The following CTNND2 variants were observed in gnomAD, a reference collection of about 807,000 sequenced individuals.
CTNND2 encodes the protein catenin delta-2.
CTNND2 carries 22 observed loss-of-function variants against 144.4 expected under a neutral mutation model. The observed-to-expected ratio is 0.15, with a 90% CI of 0.11 to 0.22. The LOEUF is 0.22. Ranked by LOEUF, CTNND2 falls within the 10% of genes least tolerant of loss-of-function variation. The pLI, the probability that CTNND2 is intolerant of heterozygous loss-of-function variation, is 1.00. For synonymous variants in CTNND2, 751 were observed against 695.6 expected (o/e 1.08, Z -1.25); for missense variants, 1,353 against 1,618.8 (o/e 0.84, Z 2.82).
At chr5:11,815,062 A>G (rs1792551682) in intron 1 of CTNND2, among the ~76,000 whole-genome samples, 1 of 152,212 alleles carries the variant, frequency 6.6e-6, no homozygotes. Context: ...AAGGAATTAT[A>G]TCTACAAATT....
Position 10,972,230 on chromosome 5 carries a change from G to C in CTNND2, c.*1223C>G, listed in dbSNP as rs928752794. 1 of 152,638 alleles carries C rather than the reference G, an allele frequency of 6.6e-6. No individual in the cohort carries two copies. The highest frequency in any genetic ancestry group is 1.5e-5 in the Non-Finnish European group (1 of 68,046). 9.5% of individuals were successfully genotyped at this position (152,638 alleles called of 1,614,324 possible). On this transcript the variant is annotated 3_prime_UTR_variant, in exon 22 of 22. Coordinates refer to ENST00000304623, the MANE Select transcript of CTNND2 (RefSeq NM_001332.4). ...AGAGGGTTGATATCCAAGTATGCGT[G>C]AATGTGTGAAAATCCTATAACTCCA...
intron 9 of CTNND2, among the ~76,000 whole-genome samples, chr5:11,302,914 G>A (rs557895610): frequency 7.2e-5 from 11 of 152,276 alleles, no homozygotes; most frequent in Non-Finnish European, 1.3e-4. Context: ...AAGAAACCTC[G>A]CGTCCTTCCT....
intron 8 of CTNND2, among the ~76,000 whole-genome samples, chr5:11,357,805 C>CATGT (rs1397141809): frequency 1.3e-5 from 2 of 152,052 alleles, no homozygotes; most frequent in African/African-American, 4.8e-5. Flanking sequence ...ATCCCATGAA[C>CATGT]ATGTACATGT....
chr5:10,980,754 A>G (rs1737129232), intron 21 of CTNND2, among the ~76,000 whole-genome samples: 1 of 152,186 alleles, frequency 6.6e-6, no homozygotes. Context: ...TTGCAGGGAC[A>G]TGGATGAAGC....
chr5:11,710,950 TCCA>T (rs1452684286), intron 2 of CTNND2, among the ~76,000 whole-genome samples: 2 of 152,230 alleles, frequency 1.3e-5, no homozygotes, highest in Non-Finnish European at 2.9e-5. Context: ...CCCTTGTCAC[TCCA>T]CATCATTTGT....
Position 11,315,594 on chromosome 5 carries a change from A to G in CTNND2, c.1628+30778T>C, listed in dbSNP as rs533277166. Reference sequence around the variant, plus strand: ...TGTTAAACACAAAACTGAGGGATCAATTTGGTTTTTGTAGCTGGGTAATGA... The same window carrying G: ...TGTTAAACACAAAACTGAGGGATCAGTTTGGTTTTTGTAGCTGGGTAATGA... On this transcript the variant is annotated intron_variant, in intron 9 of 21. Coordinates refer to ENST00000304623, the MANE Select transcript of CTNND2 (RefSeq NM_001332.4). Among the ~76,000 whole-genome samples the G allele has an allele frequency of 7.9e-5, 12 of 152,346 alleles. No individual in the cohort carries two copies. The South Asian group carries it at 2.5e-3, about 32-fold the overall frequency.
intron 9 of CTNND2, among the ~76,000 whole-genome samples, chr5:11,269,387 A>G (rs980928995): frequency 6.6e-6 from 1 of 152,152 alleles, no homozygotes; most frequent in Admixed American, 6.5e-5. Context: ...ATTATAATAG[A>G]AATGCTAGAA....
At chr5:11,867,958 G>A (rs530874353) in intron 1 of CTNND2, among the ~76,000 whole-genome samples, 13 of 151,068 alleles carry the variant, frequency 8.6e-5, no homozygotes, top group African/African-American at 3.2e-4. Flanking sequence ...CAATTATCAT[G>A]GAGCTAGTTC....
chr5:11,482,276 T>C (rs1269707827), intron 3 of CTNND2, among the ~76,000 whole-genome samples: 6 of 152,152 alleles, frequency 3.9e-5, no homozygotes, highest in Non-Finnish European at 7.3e-5. Context: ...ATGATGTCTC[T>C]ATGGATAGGA....
intron 1 of CTNND2, among the ~76,000 whole-genome samples, chr5:11,732,960 T>C (rs960724685): frequency 2.0e-5 from 3 of 152,126 alleles, no homozygotes; most frequent in Non-Finnish European, 4.4e-5. Context: ...CCCAGAGGAC[T>C]GGGTTCGTAG....
At chr5:11,861,298 A>G (rs1007127315) in intron 1 of CTNND2, among the ~76,000 whole-genome samples, 2 of 152,192 alleles carry the variant, frequency 1.3e-5, no homozygotes, top group Non-Finnish European at 2.9e-5. Context: ...ATGACACAGC[A>G]TAATACCACA....
chr5:11,566,807 G>A (rs61763032), intron 2 of CTNND2, among the ~76,000 whole-genome samples: 1,941 of 152,304 alleles, frequency 0.013, 23 homozygotes, highest in Non-Finnish European at 0.019. Flanking sequence ...AGTCTCACAG[G>A]AGGGGTGACA....
chr5:11,399,076 T>G (rs1760398625), intron 5 of CTNND2, among the ~76,000 whole-genome samples: 1 of 152,220 alleles, frequency 6.6e-6, no homozygotes, highest in Non-Finnish European at 1.5e-5. Context: ...AAGGTCACAT[T>G]TTAATGGTGG....
At chr5:11,602,862 A>T (rs1779874915) in intron 2 of CTNND2, among the ~76,000 whole-genome samples, 1 of 149,670 alleles carries the variant, frequency 6.7e-6, no homozygotes, top group South Asian at 2.1e-4. Context: ...CCATTTTTCA[A>T]GCTAATATTG....
chr5:11,769,760 A>G (rs1217658778), intron 1 of CTNND2, among the ~76,000 whole-genome samples: 1 of 152,208 alleles, frequency 6.6e-6, no homozygotes, highest in Non-Finnish European at 1.5e-5. Flanking sequence ...TCATTACAGT[A>G]TAAGTGATTA....
At chr5:11,339,680 A>G (rs1580953831) in intron 9 of CTNND2, among the ~76,000 whole-genome samples, 2 of 152,218 alleles carry the variant, frequency 1.3e-5, no homozygotes, top group East Asian at 3.9e-4. Context: ...TGACTAGGTT[A>G]TGGGGGTATA....
intron 11 of CTNND2, among the ~76,000 whole-genome samples, 163 bp downstream of exon 11, chr5:11,199,285 G>C (rs1427603624): frequency 1.3e-5 from 2 of 152,112 alleles, no homozygotes; most frequent in African/African-American, 4.8e-5. Context: ...TGTCACATCT[G>C]ATACCATTTT....
chr5:11,896,199 G>A (rs913611699), intron 1 of CTNND2, among the ~76,000 whole-genome samples: 24 of 152,176 alleles, frequency 1.6e-4, no homozygotes, highest in African/African-American at 5.8e-4. Context: ...AGTGATGTAA[G>A]TAAATAATGT....
intron 1 of CTNND2, among the ~76,000 whole-genome samples, chr5:11,857,412 A>G (rs554304319): frequency 6.6e-6 from 1 of 152,202 alleles, no homozygotes; most frequent in Admixed American, 6.5e-5. Flanking sequence ...ACAGCAGTCA[A>G]TGAGGGTGTG....
Sources: gnomAD v4.1 joint callset for allele counts (sites outside exome capture counted in the v4.1 genomes callset) on GRCh38, gnomAD v4.1.1 for gene constraint, MANE v1.5 for transcripts, NCBI Gene and HGNC (gene_info 2026-07-23, HGNC 2026-07-21) for gene names.